Variants in OTOF observed in about 807,000 individuals in gnomAD.
The protein encoded by OTOF is otoferlin.
In OTOF, 218 loss-of-function variants were observed where a neutral mutation model predicts 236.8. The ratio of observed to expected loss-of-function variants is 0.92; its 90% confidence interval spans 0.82 to 1.03. OTOF has a LOEUF of 1.03. Among genes scored for constraint, OTOF ranks in the 50% least tolerant of loss-of-function variants. OTOF has a pLI of 0.00. For synonymous variants in OTOF, 1,041 were observed against 1,072.5 expected (o/e 0.97, Z 0.57); for missense variants, 2,590 against 2,694.4 (o/e 0.96, Z 0.86).
chr2:26,474,704 T>C, intron 25 of OTOF, 30 bp from the exon 26 acceptor site: 1 of 1,611,954 alleles, frequency 6.2e-7, no homozygotes, highest in East Asian at 2.2e-5. Flanking sequence ...AGAAGCCTCT[T>C]GGTGCTTGCT....
intron 2 of OTOF, among the ~76,000 whole-genome samples, chr2:26,529,146 G>T (rs1406775024): frequency 1.3e-5 from 2 of 152,152 alleles, no homozygotes; most frequent in African/African-American, 4.8e-5. Context: ...AGGGAAGGAG[G>T]ATGGCCAGGG....
intron 30 of OTOF, chr2:26,472,251 A>ACATG: frequency 2.0e-6 from 1 of 505,770 alleles, no homozygotes; most frequent in Non-Finnish European, 3.7e-6. Context: ...CACATACATC[A>ACATG]CATGCATGCA....
intron 7 of OTOF, among the ~76,000 whole-genome samples, 168 bp downstream of exon 7, chr2:26,502,132 A>T (rs1402962529): frequency 2.0e-5 from 3 of 152,166 alleles, no homozygotes; most frequent in Non-Finnish European, 4.4e-5. Context: ...TTTTGCAGGG[A>T]GAGAGGTGAG....
At chr2:26,555,843 G>A (rs940088788) in intron 1 of OTOF, among the ~76,000 whole-genome samples, 19 of 152,100 alleles carry the variant, frequency 1.2e-4, no homozygotes, top group African/African-American at 4.6e-4. Context: ...CAAACACATC[G>A]ACCATTTGAA....
At chr2:26,472,454 C>T in intron 30 of OTOF, 65 bp downstream of exon 30, 1 of 1,602,692 alleles carries the variant, frequency 6.2e-7, no homozygotes, top group East Asian at 2.2e-5. Context: ...TAGTCTGGTT[C>T]ACAGGATGTG....
At chr2:26,514,878 G>A (rs1052182567) in intron 5 of OTOF, among the ~76,000 whole-genome samples, 2 of 152,208 alleles carry the variant, frequency 1.3e-5, no homozygotes, top group African/African-American at 2.4e-5. Flanking sequence ...TTCTGGACCA[G>A]CCCTGCCAAC....
intron 14 of OTOF, 71 bp from the exon 15 acceptor site, chr2:26,481,080 T>G: frequency 9.1e-7 from 1 of 1,103,712 alleles, no homozygotes; most frequent in Non-Finnish European, 1.4e-6. Flanking sequence ...GGGCCTCTTT[T>G]GGGGGTCCCT....
chr2:26,536,599 G>A (rs1455458525), intron 2 of OTOF, among the ~76,000 whole-genome samples: 1 of 152,138 alleles, frequency 6.6e-6, no homozygotes, highest in East Asian at 1.9e-4. Flanking sequence ...TGGAGGAGGG[G>A]GAGACAGCTG....
intron 1 of OTOF, among the ~76,000 whole-genome samples, chr2:26,540,224 G>A (rs1158074111): frequency 2.0e-5 from 3 of 152,146 alleles, no homozygotes; most frequent in South Asian, 2.1e-4. Flanking sequence ...GAGTCACCGC[G>A]CCCAGCCGAA....
rs533435302 is a variant in OTOF, at chr2:26,483,571, C to G, written c.1283G>C (p.Gly428Ala). ...RFYVKIYRAE[G>A]LPRMNTSLMA... Reference sequence around the variant, plus strand: ...GAGGCTTGTGTTCATACGGGGCAGCCCCTCTGCTCGGTAAATTTTCACATA... The same window carrying G: ...GAGGCTTGTGTTCATACGGGGCAGCGCCTCTGCTCGGTAAATTTTCACATA... The change falls in exon 13 of 47, where the codon GGG becomes GCG. Residue 428 changes from glycine (G) to alanine (A), a missense_variant. Coordinates refer to ENST00000272371, the MANE Select transcript of OTOF (RefSeq NM_194248.3). The G allele has an allele frequency of 1.2e-6, 2 of 1,613,926 alleles. No individual in the cohort carries two copies. Among genetic ancestry groups the G allele is most frequent in the South Asian group, 2.2e-5 (2 of 91,080 alleles).
chr2:26,471,980 C>G (rs1664999622), intron 30 of OTOF, among the ~76,000 whole-genome samples: 1 of 151,956 alleles, frequency 6.6e-6, no homozygotes, highest in Non-Finnish European at 1.5e-5. Flanking sequence ...ATTTACACAC[C>G]ACATGCACAC....
At chr2:26,486,645 T>C (rs1244878101) in intron 11 of OTOF, among the ~76,000 whole-genome samples, 2 of 152,208 alleles carry the variant, frequency 1.3e-5, no homozygotes, top group African/African-American at 4.8e-5. Context: ...GATTTTGAGA[T>C]GACCTAAAGA....
intron 1 of OTOF, among the ~76,000 whole-genome samples, chr2:26,548,534 A>G (rs189124611): frequency 1.3e-5 from 2 of 152,178 alleles, no homozygotes; most frequent in Non-Finnish European, 2.9e-5. Context: ...CTCTGTATGG[A>G]TTTGCCTGTT....
Position 26,467,098 on chromosome 2 carries a change from C to T in OTOF, c.4362+1G>A, listed in dbSNP as rs1274464930. The stretch of plus-strand genomic sequence containing the variant: ...GGCTGGGCCCGTGCTCCTGGCCTGA[C>T]CTTGAAGCGTCCCACAATGCGCTCC... On this transcript the variant is annotated splice_donor_variant, in intron 35 of 46. Coordinates refer to ENST00000272371, the MANE Select transcript of OTOF (RefSeq NM_194248.3). LOFTEE classifies it high-confidence loss of function. 6.2e-7 allele frequency: 1 copy of T among 1,613,018 alleles called. No homozygotes were observed. Among genetic ancestry groups the T allele is most frequent in the Non-Finnish European group, 8.5e-7 (1 of 1,179,956 alleles).
intron 1 of OTOF, among the ~76,000 whole-genome samples, chr2:26,557,407 A>C (rs1667619747): frequency 6.6e-6 from 1 of 152,114 alleles, no homozygotes; most frequent in South Asian, 2.1e-4. Context: ...CCACATGGAG[A>C]GGCAGAGGTG....
At chr2:26,498,926 A>G (rs1666053128) in intron 8 of OTOF, among the ~76,000 whole-genome samples, 1 of 152,142 alleles carries the variant, frequency 6.6e-6, no homozygotes, top group Non-Finnish European at 1.5e-5. Context: ...CAGTGGTGGC[A>G]TGGAGTTTGG....
At chr2:26,524,816 T>C (rs138467364) in intron 3 of OTOF, among the ~76,000 whole-genome samples, 53 of 152,380 alleles carry the variant, frequency 3.5e-4, no homozygotes, top group African/African-American at 1.2e-3. Context: ...TCTACCCATG[T>C]GACCTCAGGT....
chr2:26,538,481 C>A (rs1399647110), intron 1 of OTOF, among the ~76,000 whole-genome samples: 1 of 152,240 alleles, frequency 6.6e-6, no homozygotes, highest in Non-Finnish European at 1.5e-5. Flanking sequence ...GTCCCAGGCT[C>A]CCCCATCCAT....
chr2:26,474,240 G>A (rs1057430175), intron 26 of OTOF, 130 bp from the exon 27 acceptor site: 45 of 1,304,646 alleles, frequency 3.4e-5, no homozygotes, highest in South Asian at 1.5e-4. Context: ...CTTTGGTCAG[G>A]ATGGGTAGGA....
Sources: gnomAD v4.1 joint callset for allele counts (sites outside exome capture counted in the v4.1 genomes callset) on GRCh38, gnomAD v4.1.1 for gene constraint, MANE v1.5 for transcripts, NCBI Gene and HGNC (gene_info 2026-07-23, HGNC 2026-07-21) for gene names.